Variants in GNAO1 observed in about 807,000 individuals in gnomAD.
The protein encoded by GNAO1 is guanine nucleotide-binding protein G(o) subunit alpha.
For synonymous variants in GNAO1, 164 were observed against 180.7 expected (o/e 0.91, Z 0.74); for missense variants, 166 against 478.7 (o/e 0.35, Z 6.10).
chr16:56,347,955 C>A lies in GNAO1; in HGVS notation c.724-3429C>A, dbSNP rs1213536718. On this transcript the variant is annotated intron_variant, in intron 6 of 8. Coordinates refer to ENST00000262493, the MANE Select transcript of GNAO1 (RefSeq NM_020988.3). ...TGAGTATCTTCTTCCTCCCCACGCA[C>A]CCCCCTCCCCCATCTAGGCGAGGTG... 6.2e-6 allele frequency: 6 copies of A among 960,290 alleles called. No homozygotes were observed. The East Asian group carries it at 5.8e-4, about 93-fold the overall frequency. The allele number at this position is 960,290 out of a possible 1,614,324, so 59.5% of individuals were successfully genotyped here.
At position 56,325,516 on chromosome 16, in the gene GNAO1, T is replaced by G. The variant is rs1422185240; in HGVS notation, c.304-3115T>G. On this transcript the variant is annotated intron_variant, in intron 3 of 8. Transcript: ENST00000262493. ...AATAATAATGCACACATGAATAAAA[T>G]ATCCCAATTCTGGAGAGCCCGTGAA... Among the ~76,000 whole-genome samples the G allele has an allele frequency of 2.0e-5, 3 of 152,092 alleles. No individual in the cohort carries two copies. In the South Asian group the frequency reaches 6.2e-4, roughly 32 times the overall value.
At chr16:56,339,392 T>C (rs1396147948) in intron 6 of GNAO1, among the ~76,000 whole-genome samples, 2 of 152,222 alleles carry the variant, frequency 1.3e-5, no homozygotes, top group Admixed American at 1.3e-4. Context: ...AGTGAATAGC[T>C]CCTGTGGCTA....
intron 6 of GNAO1, among the ~76,000 whole-genome samples, chr16:56,348,693 T>G (rs1456806836): frequency 6.6e-6 from 1 of 152,104 alleles, no homozygotes; most frequent in African/African-American, 2.4e-5. Context: ...TCCTTGGCAA[T>G]GGGTTCCAGG....
chr16:56,256,678 T>TTCTCTCTG lies in GNAO1; in HGVS notation c.162-19245_162-19238dup, dbSNP rs1455077630. On this transcript the variant is annotated intron_variant, in intron 2 of 8. Coordinates refer to ENST00000262493, the MANE Select transcript of GNAO1 (RefSeq NM_020988.3). ...CAACTGAGACTGGAGGTCAGTCTCT[T>TTCTCTCTG]TCTCTCTGTCTCTCTCTCTCTCTCT... Among the ~76,000 whole-genome samples the TTCTCTCTG allele has an allele frequency of 3.9e-4, 54 of 139,362 alleles. 1 individual carries two copies. Among genetic ancestry groups the TTCTCTCTG allele is most frequent in the African/African-American group, 7.0e-4 (25 of 35,564 alleles). The allele number at this position is 139,362 out of a possible 152,430, so 91.4% of individuals were successfully genotyped here.
intron 2 of GNAO1, among the ~76,000 whole-genome samples, chr16:56,196,365 T>C (rs2143287798): frequency 6.6e-6 from 1 of 152,330 alleles, no homozygotes; most frequent in South Asian, 2.1e-4. Context: ...CATCATTTTG[T>C]AGTCAGTCAA....
In GNAO1 at chr16:56,328,739, C is replaced by G. The variant is rs759081912; in HGVS notation, c.412C>G (p.Gln138Glu). The G allele has an allele frequency of 3.7e-6, 6 of 1,614,156 alleles. No homozygotes were observed. The highest frequency in any genetic ancestry group is 4.2e-6 in the Non-Finnish European group (5 of 1,179,976). ...MMRLWGDSGI[Q>E]ECFNRSREYQ... ...GCGGCTCTGGGGCGACTCAGGAATC[C>G]AAGAGTGCTTCAACCGGTCCCGGGA... Residue 138 changes from glutamine (Q) to glutamate (E), a missense_variant, in exon 4 of 9, where the codon CAA becomes GAA. Physicochemically the swap from Gln to Glu is conservative, Grantham distance 29 (BLOSUM62 2). Coordinates refer to ENST00000262493, the MANE Select transcript of GNAO1 (RefSeq NM_020988.3).
At position 56,192,057 on chromosome 16, in the gene GNAO1, T is replaced by A; in HGVS notation, c.-179T>A. The A allele has an allele frequency of 1.7e-6, 1 of 590,570 alleles. No individual in the cohort carries two copies. Among genetic ancestry groups the A allele is most frequent in the East Asian group, 2.8e-5 (1 of 35,662 alleles). 36.6% of individuals were successfully genotyped at this position (590,570 alleles called of 1,614,324 possible). A position where few individuals can be genotyped will look rare whatever the true frequency, so the allele number is the denominator to read the frequency against. On this transcript the variant is annotated 5_prime_UTR_variant, in exon 1 of 9. Transcript: ENST00000262493. ...CGAGTCTCCGCTGCTGGAATCTTGT[T>A]AGCGGCTGTCTTTTTGGAGGGTTCT...
chr16:56,264,927 A>G (rs1416035048), intron 2 of GNAO1, among the ~76,000 whole-genome samples: 2 of 152,140 alleles, frequency 1.3e-5, no homozygotes, highest in Non-Finnish European at 2.9e-5. Context: ...GCTTCACCCC[A>G]CAATTAAACA....
chr16:56,237,229 A>G (rs2036646289), intron 2 of GNAO1, among the ~76,000 whole-genome samples: 1 of 152,234 alleles, frequency 6.6e-6, no homozygotes, highest in African/African-American at 2.4e-5. Flanking sequence ...TCAAAAGACT[A>G]AAGAGTAATG....
At chr16:56,286,501 G>A (rs1440229887) in intron 3 of GNAO1, among the ~76,000 whole-genome samples, 8 of 152,128 alleles carry the variant, frequency 5.3e-5, no homozygotes, top group South Asian at 4.1e-4. Context: ...CCACTCTGCC[G>A]CACTGTGTGG....
At chr16:56,303,199 A>C (rs1257089654) in intron 3 of GNAO1, among the ~76,000 whole-genome samples, 1 of 152,096 alleles carries the variant, frequency 6.6e-6, no homozygotes, top group African/African-American at 2.4e-5. Context: ...TTGTATGCTG[A>C]GCTCTGTGCC....
At chr16:56,346,625 C>T (rs1295412406) in intron 6 of GNAO1, 1 of 985,388 alleles carries the variant, frequency 1.0e-6, no homozygotes, top group South Asian at 4.7e-5. Flanking sequence ...ACAGTCTGGG[C>T]CCCTGACCAA....
intron 2 of GNAO1, among the ~76,000 whole-genome samples, chr16:56,237,731 C>T (rs1273532863): frequency 6.6e-6 from 1 of 152,034 alleles, no homozygotes; most frequent in Non-Finnish European, 1.5e-5. Context: ...TTCATAACTT[C>T]TGAAATTGCA....
chr16:56,223,740 G>C (rs1320058062), intron 2 of GNAO1, among the ~76,000 whole-genome samples: 1 of 152,224 alleles, frequency 6.6e-6, no homozygotes, highest in Admixed American at 6.5e-5. Flanking sequence ...GGTGTTAGCT[G>C]TGAGGGTTGT....
intron 2 of GNAO1, among the ~76,000 whole-genome samples, chr16:56,266,208 G>A (rs1246832377): frequency 6.6e-6 from 1 of 152,184 alleles, no homozygotes; most frequent in African/African-American, 2.4e-5. Flanking sequence ...AGTCTCCTGG[G>A]TGCTGTGTGA....
At chr16:56,282,902 T>C (rs2037128245) in intron 3 of GNAO1, among the ~76,000 whole-genome samples, 1 of 152,086 alleles carries the variant, frequency 6.6e-6, no homozygotes, top group African/African-American at 2.4e-5. Context: ...AGGTCTGGCC[T>C]GTAGGTATGA....
intron 2 of GNAO1, among the ~76,000 whole-genome samples, chr16:56,217,951 G>T (rs1488503467): frequency 2.0e-5 from 3 of 152,232 alleles, no homozygotes; most frequent in African/African-American, 7.2e-5. Context: ...AAGGGACAGA[G>T]AATGTGCTGT....
At position 56,333,001 on chromosome 16, in the gene GNAO1, G is replaced by A. The variant is rs1476253063; in HGVS notation, c.465-1728G>A. ...GGCTGTGAGGCCGGGGGCGTGTACA[G>A]GTCTGCTCTGCAGCCTCGGCTCTCT... On this transcript the variant is annotated intron_variant, in intron 4 of 8. Transcript: ENST00000262493. Among the ~76,000 whole-genome samples the A allele has an allele frequency of 2.0e-5, 3 of 152,280 alleles. No homozygotes were observed. The South Asian group carries it at 6.2e-4, about 32-fold the overall frequency.
intron 4 of GNAO1, among the ~76,000 whole-genome samples, chr16:56,332,082 A>G (rs929785284): frequency 2.6e-5 from 4 of 152,088 alleles, no homozygotes; most frequent in African/African-American, 9.7e-5. Context: ...CCACTGTGCC[A>G]GTGCCATCTG....
Sources: gnomAD v4.1 joint callset for allele counts (sites outside exome capture counted in the v4.1 genomes callset) on GRCh38, gnomAD v4.1.1 for gene constraint, MANE v1.5 for transcripts, NCBI Gene and HGNC (gene_info 2026-07-23, HGNC 2026-07-21) for gene names.